The following PHF14 variants were observed in gnomAD, a reference collection of about 807,000 sequenced individuals.
PHF14 encodes PHD finger protein 14.
Under a neutral mutation model 117.9 loss-of-function variants are expected in PHF14, and 55 were observed. That is an observed-to-expected ratio of 0.47 (90% CI 0.38 to 0.58). The LOEUF (loss-of-function observed/expected upper bound fraction) is 0.58. PHF14 is among the 20% of genes least tolerant of loss of function. PHF14 has a pLI of 0.00. For missense variants in PHF14, 978 were observed against 1,122.2 expected (o/e 0.87, Z 1.84); for synonymous variants, 409 against 368.6 (o/e 1.11, Z -1.26).
chr7:11,124,143 A>G (rs1268118588), intron 17 of PHF14, among the ~76,000 whole-genome samples: 3 of 152,258 alleles, frequency 2.0e-5, no homozygotes, highest in East Asian at 3.9e-4. Flanking sequence ...AAAGTAGTAA[A>G]TGGTCATTGT....
chr7:11,128,820 A>G (rs1333362801), intron 17 of PHF14, among the ~76,000 whole-genome samples: 2 of 150,674 alleles, frequency 1.3e-5, no homozygotes, highest in East Asian at 3.9e-4. Context: ...AAAGCCTCAT[A>G]TATCATCAGG....
intron 17 of PHF14, among the ~76,000 whole-genome samples, chr7:11,160,123 T>A (rs978299898): frequency 6.6e-6 from 1 of 152,146 alleles, no homozygotes; most frequent in Middle Eastern, 3.2e-3. Flanking sequence ...CATGTCCCTG[T>A]GTACCCAATG....
chr7:11,137,389 C>T (rs1788251976), intron 17 of PHF14, among the ~76,000 whole-genome samples: 1 of 152,020 alleles, frequency 6.6e-6, no homozygotes, highest in Non-Finnish European at 1.5e-5. Context: ...TTAAGAGTTA[C>T]TTCTCACCAA....
intron 9 of PHF14, 24 bp downstream of exon 9, chr7:11,036,712 C>T (rs182827276): frequency 2.5e-6 from 4 of 1,583,564 alleles, no homozygotes; most frequent in African/African-American, 2.7e-5. Context: ...CTGGTACATG[C>T]ACATTTTCAC....
intron 14 of PHF14, among the ~76,000 whole-genome samples, chr7:11,054,282 A>G (rs1417372040): frequency 1.3e-5 from 2 of 151,758 alleles, no homozygotes; most frequent in East Asian, 1.9e-4. Flanking sequence ...GAATTAATCA[A>G]TTAGAATTTA....
At chr7:11,062,938 T>C (rs1234871842) in intron 16 of PHF14, 1 of 968,904 alleles carries the variant, frequency 1.0e-6, no homozygotes, top group Non-Finnish European at 1.2e-6. Flanking sequence ...TAAAGCCCTG[T>C]TAAATTAACT....
chr7:11,018,398 T>G (rs1783603596), intron 5 of PHF14, among the ~76,000 whole-genome samples: 1 of 152,172 alleles, frequency 6.6e-6, no homozygotes, highest in South Asian at 2.1e-4. Context: ...TATTTTTCCA[T>G]TTTTTGGTGT....
intron 17 of PHF14, among the ~76,000 whole-genome samples, chr7:11,148,367 T>G (rs938797679): frequency 6.6e-6 from 1 of 152,220 alleles, no homozygotes. Context: ...CATGCTGTGC[T>G]CTTTTCTACT....
intron 17 of PHF14, among the ~76,000 whole-genome samples, chr7:11,164,454 G>A (rs1003743865): frequency 1.3e-5 from 2 of 152,134 alleles, no homozygotes; most frequent in South Asian, 4.1e-4. Flanking sequence ...GGAATTTGGG[G>A]TAGAATGATG....
intron 14 of PHF14, among the ~76,000 whole-genome samples, chr7:11,053,404 C>T (rs1184767268): frequency 6.6e-6 from 1 of 151,838 alleles, no homozygotes; most frequent in African/African-American, 2.4e-5. Context: ...GTTTATAACT[C>T]TTTTTTTAGG....
chr7:11,165,931 A>G (rs974063943), intron 17 of PHF14, among the ~76,000 whole-genome samples: 3 of 152,162 alleles, frequency 2.0e-5, no homozygotes, highest in Non-Finnish European at 4.4e-5. Flanking sequence ...GTATCAGCCC[A>G]TTATTAAATG....
intron 11 of PHF14, among the ~76,000 whole-genome samples, chr7:11,040,371 T>C (rs1784461168): frequency 6.6e-6 from 1 of 152,098 alleles, no homozygotes; most frequent in Admixed American, 6.5e-5. Context: ...TGTACTGTGT[T>C]TTGTTTTTTT....
At chr7:11,156,591 C>T (rs1049544296) in intron 17 of PHF14, among the ~76,000 whole-genome samples, 4 of 151,996 alleles carry the variant, frequency 2.6e-5, no homozygotes, top group African/African-American at 4.8e-5. Flanking sequence ...GTCGGGAGTT[C>T]GAGACCAGCC....
chr7:11,113,135 T>A (rs1478684454), intron 17 of PHF14, among the ~76,000 whole-genome samples: 3 of 152,096 alleles, frequency 2.0e-5, no homozygotes, highest in African/African-American at 7.2e-5. Flanking sequence ...AAATAGGATT[T>A]CCCACCTTTT....
At chr7:11,075,386 A>G (rs1227999486) in intron 16 of PHF14, among the ~76,000 whole-genome samples, 1 of 152,170 alleles carries the variant, frequency 6.6e-6, no homozygotes, top group Non-Finnish European at 1.5e-5. Flanking sequence ...TACAAGCAGC[A>G]TGGCACTAGC....
chr7:11,146,560 A>G (rs952962447), intron 17 of PHF14, among the ~76,000 whole-genome samples: 1 of 152,202 alleles, frequency 6.6e-6, no homozygotes, highest in Non-Finnish European at 1.5e-5. Flanking sequence ...AATCATGTAG[A>G]GATAATTCTT....
At chr7:11,141,006 TTC>T (rs1474333623) in intron 17 of PHF14, among the ~76,000 whole-genome samples, 1 of 152,102 alleles carries the variant, frequency 6.6e-6, no homozygotes, top group Non-Finnish European at 1.5e-5. Context: ...GTAAAATATG[TTC>T]TGAGGAACAT....
intron 13 of PHF14, among the ~76,000 whole-genome samples, chr7:11,045,162 G>A (rs537914454): frequency 6.6e-6 from 1 of 152,228 alleles, no homozygotes; most frequent in East Asian, 1.9e-4. Context: ...TACATAACAG[G>A]GCTTTCCCCC....
chr7:11,099,873 G>A lies in PHF14; in HGVS notation c.2655-11477G>A, dbSNP rs191003015. ...ATCTGACACTTGATTTATCTGCCTAGCATCACTACTAAGCAGCAGGGAATG... is the reference window on the plus strand; with the variant it reads ...ATCTGACACTTGATTTATCTGCCTAACATCACTACTAAGCAGCAGGGAATG... On this transcript the variant is annotated intron_variant, in intron 16 of 17. Coordinates refer to ENST00000634607, the MANE Select transcript of PHF14 (RefSeq NM_001007157.2). Among the ~76,000 whole-genome samples, 328 of 152,148 alleles carry A rather than the reference G, an allele frequency of 2.2e-3. 1 individual carries two copies. Among genetic ancestry groups the A allele is most frequent in the African/African-American group, 7.6e-3 (317 of 41,524 alleles).
Sources: gnomAD v4.1 joint callset for allele counts (sites outside exome capture counted in the v4.1 genomes callset) on GRCh38, gnomAD v4.1.1 for gene constraint, MANE v1.5 for transcripts, NCBI Gene and HGNC (gene_info 2026-07-23, HGNC 2026-07-21) for gene names.